KIAA1549L: variants seen among roughly 807,000 people sequenced by gnomAD.
KIAA1549L encodes the protein UPF0606 protein KIAA1549L.
A neutral mutation model predicts 160.7 loss-of-function variants in KIAA1549L; 88 were observed. The ratio of observed to expected loss-of-function variants is 0.55; its 90% CI spans 0.46 to 0.65. KIAA1549L has a LOEUF of 0.65. KIAA1549L is among the 30% of genes least tolerant of loss of function. KIAA1549L has a pLI of 0.00. For missense variants in KIAA1549L, 2,258 were observed against 2,437.5 expected (o/e 0.93, Z 1.55); for synonymous variants, 950 against 976.7 (o/e 0.97, Z 0.51).
At chr11:33,641,263 C>T (rs1203566046) in intron 16 of KIAA1549L, among the ~76,000 whole-genome samples, 6 of 152,096 alleles carry the variant, frequency 3.9e-5, no homozygotes, top group South Asian at 4.1e-4. Context: ...GGGAAGGTCC[C>T]GGATTGGGGG....
Position 33,412,679 on chromosome 11 carries a change from A to T in KIAA1549L, c.238+35790A>T, listed in dbSNP as rs554315644. On this transcript the variant is annotated intron_variant, in intron 1 of 20. Transcript: ENST00000658780. ...CTGATCACCCATGATTAGAAAACGG[A>T]TAGCTTCTCCCACTGGGTGAGGATC... 3.9e-5 allele frequency among the ~76,000 whole-genome samples: 6 copies of T among 152,304 alleles called. No homozygotes were observed. In the South Asian group the frequency reaches 1.2e-3, roughly 32 times the overall value.
intron 13 of KIAA1549L, among the ~76,000 whole-genome samples, chr11:33,602,376 ATGAAG>A (rs1346636003): frequency 6.6e-6 from 1 of 152,260 alleles, no homozygotes; most frequent in Non-Finnish European, 1.5e-5. Context: ...TGCCTTCCCA[ATGAAG>A]TGAAGACTTG....
chr11:33,425,225 G>T (rs776707002), intron 1 of KIAA1549L, among the ~76,000 whole-genome samples: 1 of 152,162 alleles, frequency 6.6e-6, no homozygotes, highest in Non-Finnish European at 1.5e-5. Context: ...GAGCAGAAGA[G>T]AACTTACCTT....
chr11:33,664,585 C>T (rs770312967), intron 20 of KIAA1549L, among the ~76,000 whole-genome samples: 8 of 152,142 alleles, frequency 5.3e-5, no homozygotes, highest in Non-Finnish European at 1.0e-4. Context: ...GTCATGAGGG[C>T]GAACCCCCTA....
intron 6 of KIAA1549L, among the ~76,000 whole-genome samples, chr11:33,559,219 C>A (rs1037417713): frequency 6.6e-6 from 1 of 152,186 alleles, no homozygotes; most frequent in Non-Finnish European, 1.5e-5. Flanking sequence ...CTGGTCCTTT[C>A]AACTTTCAAA....
intron 4 of KIAA1549L, among the ~76,000 whole-genome samples, chr11:33,549,291 G>T (rs558721895): frequency 6.6e-6 from 1 of 152,306 alleles, no homozygotes; most frequent in Non-Finnish European, 1.5e-5. Flanking sequence ...AAACCAAACA[G>T]CTTGTTAAAT....
chr11:33,519,636 A>G (rs534516143), intron 1 of KIAA1549L, among the ~76,000 whole-genome samples: 79 of 152,340 alleles, frequency 5.2e-4, no homozygotes, highest in African/African-American at 1.8e-3. Flanking sequence ...ATGATACTGA[A>G]CAAGAAGGGT....
intron 1 of KIAA1549L, among the ~76,000 whole-genome samples, chr11:33,455,094 A>AC (rs1565144342): frequency 6.6e-6 from 1 of 152,014 alleles, no homozygotes; most frequent in Non-Finnish European, 1.5e-5. Flanking sequence ...ATCTCAAAAA[A>AC]CAAAACAAAA....
chr11:33,441,274 T>C (rs1315133792), intron 1 of KIAA1549L, among the ~76,000 whole-genome samples: 5 of 152,112 alleles, frequency 3.3e-5, no homozygotes, highest in Non-Finnish European at 7.4e-5. Flanking sequence ...GGCCGCATAG[T>C]ATTCCATGGT....
chr11:33,598,974 C>T (rs969647314), intron 13 of KIAA1549L, 27 bp downstream of exon 13: 4 of 1,610,544 alleles, frequency 2.5e-6, no homozygotes, highest in African/African-American at 2.7e-5. Flanking sequence ...CCAAGAACCA[C>T]CCCCAGCTGC....
At chr11:33,419,841 T>G (rs1162301061) in intron 1 of KIAA1549L, among the ~76,000 whole-genome samples, 1 of 151,616 alleles carries the variant, frequency 6.6e-6, no homozygotes, top group Non-Finnish European at 1.5e-5. Flanking sequence ...AGCAAGACTG[T>G]CTTTAAAAAA....
chr11:33,646,297 TTC>T lies in KIAA1549L; in HGVS notation c.5760+263_5760+264del, dbSNP rs578053010. Among the ~76,000 whole-genome samples, 3 of 152,356 alleles carry T rather than the reference TTC, an allele frequency of 2.0e-5. No homozygotes were observed. In the East Asian group the frequency reaches 5.8e-4, roughly 29 times the overall value. ...AATGAATTGCCTTTTCTACTATCCCTTCTATAAATGGCTGACCATATTCTTCA... is the reference window on the plus strand; with the variant it reads ...AATGAATTGCCTTTTCTACTATCCCTTATAAATGGCTGACCATATTCTTCA... On this transcript the variant is annotated intron_variant, in intron 17 of 20. Coordinates refer to ENST00000658780, the MANE Select transcript of KIAA1549L (RefSeq NM_012194.3).
At chr11:33,648,474 C>G (rs907418109) in intron 17 of KIAA1549L, among the ~76,000 whole-genome samples, 3 of 149,916 alleles carry the variant, frequency 2.0e-5, no homozygotes, top group Non-Finnish European at 3.0e-5. Context: ...TGTGGAAATC[C>G]ATAGAAAAGG....
At chr11:33,559,645 C>T in intron 6 of KIAA1549L, 104 bp from the exon 7 acceptor site, 3 of 867,786 alleles carry the variant, frequency 3.5e-6, no homozygotes, top group African/African-American at 1.7e-5. Context: ...CCTTTCATTC[C>T]TTCCCTCAAC....
intron 1 of KIAA1549L, among the ~76,000 whole-genome samples, chr11:33,441,161 A>C (rs1851495816): frequency 6.6e-6 from 1 of 150,806 alleles, no homozygotes; most frequent in Admixed American, 6.6e-5. Context: ...ATGAGTGAGA[A>C]CATGCGGTGC....
chr11:33,419,657 T>G (rs1160692925), intron 1 of KIAA1549L, among the ~76,000 whole-genome samples: 1 of 151,800 alleles, frequency 6.6e-6, no homozygotes, highest in Non-Finnish European at 1.5e-5. Context: ...ACCAGCCTGG[T>G]CAACATAGTG....
At chr11:33,607,965 T>C (rs1564921689) in intron 14 of KIAA1549L, among the ~76,000 whole-genome samples, 1 of 152,144 alleles carries the variant, frequency 6.6e-6, no homozygotes, top group Non-Finnish European at 1.5e-5. Context: ...GCTTGAGGGG[T>C]CCAGTGGCTT....
intron 16 of KIAA1549L, among the ~76,000 whole-genome samples, chr11:33,638,422 T>TAAAAAAA (rs371077129): frequency 4.6e-5 from 2 of 43,624 alleles, no homozygotes; most frequent in Admixed American, 2.0e-4. Context: ...CTAAAATAAA[T>TAAAAAAA]AAAAAAAAAA....
At chr11:33,613,253 C>T (rs1231401800) in intron 15 of KIAA1549L, among the ~76,000 whole-genome samples, 1 of 152,122 alleles carries the variant, frequency 6.6e-6, no homozygotes, top group Non-Finnish European at 1.5e-5. Context: ...TTCCTGTAAC[C>T]TCACCAGCAT....
Sources: allele counts gnomAD v4.1 joint callset (sites outside exome capture counted in the v4.1 genomes callset), GRCh38; gene constraint gnomAD v4.1.1; transcripts MANE v1.5; gene names NCBI Gene and HGNC (gene_info 2026-07-23, HGNC 2026-07-21).